TPP2: variants seen among roughly 807,000 people sequenced by gnomAD.
TPP2 encodes the protein tripeptidyl-peptidase 2.
TPP2 carries 34 observed loss-of-function variants against 155.9 expected under a neutral mutation model. That is an observed-to-expected ratio of 0.22 (90% CI 0.17 to 0.29). The LOEUF is 0.29. TPP2 is among the 10% of genes least tolerant of loss of function. The pLI is 1.00. For missense variants in TPP2, 1,028 were observed against 1,522.3 expected (o/e 0.68, Z 5.40); for synonymous variants, 510 against 529.4 (o/e 0.96, Z 0.50).
intron 29 of TPP2, among the ~76,000 whole-genome samples, chr13:102,676,902 T>A (rs191186530): frequency 6.6e-6 from 1 of 152,298 alleles, no homozygotes; most frequent in East Asian, 1.9e-4. Context: ...AGTAAAAAAA[T>A]TTAGCTGATT....
rs181571823 is a variant in TPP2, at chr13:102,614,649, G to A, written c.390+453G>A. ...CCAGTTAGTCATCATTTAGTGTTAA[G>A]GTAAGTGTTAATTCAGTCCTAAAAC... On this transcript the variant is annotated intron_variant, in intron 3 of 29. Transcript: ENST00000376052. Among the ~76,000 whole-genome samples the A allele has an allele frequency of 1.3e-4, 18 of 140,422 alleles. No individual in the cohort carries two copies. The East Asian group carries it at 3.9e-3, about 31-fold the overall frequency. 92.1% of individuals were successfully genotyped at this position (140,422 alleles called of 152,430 possible).
intron 15 of TPP2, among the ~76,000 whole-genome samples, chr13:102,639,012 C>A (rs1882575087): frequency 6.6e-6 from 1 of 152,228 alleles, no homozygotes; most frequent in Admixed American, 6.5e-5. Flanking sequence ...CAGCTGATAA[C>A]TTGGTTTCAA....
intron 10 of TPP2, among the ~76,000 whole-genome samples, chr13:102,633,562 A>T (rs1231587192): frequency 2.0e-5 from 3 of 152,182 alleles, no homozygotes; most frequent in African/African-American, 7.2e-5. Flanking sequence ...TCTATTGTAC[A>T]GTGCTATATT....
In TPP2 at chr13:102,647,350, A is replaced by G; in HGVS notation, c.2628+6A>G. 1.2e-6 allele frequency: 2 copies of G among 1,604,088 alleles called. No individual in the cohort carries two copies. Among genetic ancestry groups the G allele is most frequent in the Non-Finnish European group, 1.7e-6 (2 of 1,176,688 alleles). ...GCGATGCCTATCCACATCAGGTATA[A>G]AATTGATGGTGATTTTTAGAATTAA... is the stretch of plus-strand genomic sequence containing the variant. On this transcript the variant is annotated splice_donor_region_variant and intron_variant, in intron 21 of 29. Transcript: ENST00000376052.
Position 102,657,148 on chromosome 13 carries a change from A to C in TPP2, c.3084A>C (p.Lys1028Asn), listed in dbSNP as rs750156544. The C allele has an allele frequency of 8.7e-6, 14 of 1,600,220 alleles. No individual in the cohort carries two copies. The highest frequency in any genetic ancestry group is 1.2e-5 in the Non-Finnish European group (14 of 1,176,486). ...AGGAAAAAGATTCAGAAAAAGAGAA[A>C]GATTTAAAAGAAGAGTTTACTGAAG... ...KDKEKDSEKE[K>N]DLKEEFTEAL... is the part of the protein sequence containing the mutation. Residue 1028 changes from lysine (K) to asparagine (N), a missense_variant, in exon 25 of 30, where the codon AAA becomes AAC. By Grantham distance (94) the Lys-to-Asn change is moderately conservative. Transcript: ENST00000376052.
At chr13:102,657,635 T>C (rs1883945540) in intron 25 of TPP2, among the ~76,000 whole-genome samples, 2 of 152,124 alleles carry the variant, frequency 1.3e-5, no homozygotes, top group Non-Finnish European at 2.9e-5. Flanking sequence ...CTATTTTTAA[T>C]GTCTGTGTTG....
At chr13:102,657,273 T>G (rs932760203) in intron 25 of TPP2, 66 bp downstream of exon 25, 1 of 1,382,420 alleles carries the variant, frequency 7.2e-7, no homozygotes, top group Non-Finnish European at 9.7e-7. Context: ...ATAACAATAT[T>G]GTGTATATAT....
chr13:102,650,925 C>T (rs1443206612), intron 23 of TPP2, among the ~76,000 whole-genome samples: 3 of 151,952 alleles, frequency 2.0e-5, no homozygotes, highest in East Asian at 1.9e-4. Flanking sequence ...AGTGGTTTAG[C>T]GTTTTCTTGT....
rs201843794 is a variant in TPP2, at chr13:102,672,425, C to G, written c.3372-1858C>G. The stretch of plus-strand genomic sequence containing the variant: ...TTCTTTACATTCCATTGTTATCTGC[C>G]GTTTGCTCTCAGGCTCCGGATAAGA... On this transcript the variant is annotated intron_variant, in intron 27 of 29. Transcript: ENST00000376052. Among the ~76,000 whole-genome samples, 75 of 152,304 alleles carry G rather than the reference C, an allele frequency of 4.9e-4. 1 individual carries two copies. The highest frequency in any genetic ancestry group is 2.1e-3 in the East Asian group (11 of 5,184).
chr13:102,676,894 TA>T (rs1885308288), intron 29 of TPP2, among the ~76,000 whole-genome samples: 1 of 152,204 alleles, frequency 6.6e-6, no homozygotes, highest in Non-Finnish European at 1.5e-5. Flanking sequence ...AGTTGTCAAG[TA>T]AAAAAATTTA....
intron 24 of TPP2, chr13:102,655,033 G>C: frequency 2.0e-6 from 1 of 502,848 alleles, no homozygotes. Flanking sequence ...ACAGGTTCTG[G>C]CCCCCTGACC....
At chr13:102,616,300 C>T in intron 3 of TPP2, 96 bp from the exon 4 acceptor site, 1 of 1,006,398 alleles carries the variant, frequency 9.9e-7, no homozygotes, top group Non-Finnish European at 1.5e-6. Context: ...TGTGTAGTAT[C>T]ACAACTGTAC....
intron 2 of TPP2, among the ~76,000 whole-genome samples, chr13:102,609,526 T>A (rs1024671024): frequency 2.7e-5 from 4 of 150,684 alleles, no homozygotes; most frequent in Admixed American, 6.7e-5. Flanking sequence ...GCCTCCTGAG[T>A]AGCTGGGATT....
intron 1 of TPP2, among the ~76,000 whole-genome samples, chr13:102,599,382 G>A (rs1879253788): frequency 6.6e-6 from 1 of 152,144 alleles, no homozygotes; most frequent in Non-Finnish European, 1.5e-5. Flanking sequence ...GCTTGCAAAC[G>A]TGAGGATTTT....
intron 5 of TPP2, 125 bp downstream of exon 5, chr13:102,618,971 T>A: frequency 8.1e-7 from 1 of 1,241,046 alleles, no homozygotes; most frequent in Non-Finnish European, 1.1e-6. Context: ...CAAAATCATT[T>A]AAGGGCCAAA....
rs1223952124 is a variant in TPP2, at chr13:102,678,244, A to G, written c.3717A>G (p.Gly1239=). 15 of 1,613,290 alleles carry G rather than the reference A, an allele frequency of 9.3e-6. No individual in the cohort carries two copies. In the East Asian group the frequency reaches 3.3e-4, roughly 36 times the overall value. ...KNCIQLMKLL[G]WTHCASFTEN... is the part of the protein sequence containing the mutation. ...TGTTGTAGCTGATGAAGTTACTTGG[A>G]TGGACCCATTGTGCATCTTTTACTG... The change falls in exon 30 of 30, where the codon GGA becomes GGG. Residue 1239 remains glycine (G), a synonymous_variant. Coordinates refer to ENST00000376052, the MANE Select transcript of TPP2 (RefSeq NM_001330588.2).
rs748554241 is a variant in TPP2, at chr13:102,627,832, T to C, written c.940-16T>C. On this transcript the variant is annotated splice_polypyrimidine_tract_variant and intron_variant, in intron 7 of 29. Transcript: ENST00000376052. ...GTAAATTGCTGCCTAAACTAGAGTC[T>C]TAATCTCTTTAATAGATGATAGAAG... 1.9e-6 allele frequency: 3 copies of C among 1,599,320 alleles called. No individual in the cohort carries two copies. The South Asian group carries it at 3.3e-5, about 18-fold the overall frequency.
At chr13:102,650,945 G>A (rs554683902) in intron 23 of TPP2, among the ~76,000 whole-genome samples, 3 of 152,188 alleles carry the variant, frequency 2.0e-5, no homozygotes, top group South Asian at 4.2e-4. Flanking sequence ...TTTTTTGGTA[G>A]TTGGGAAGGT....
chr13:102,652,328 T>C (rs1156301120), intron 24 of TPP2, among the ~76,000 whole-genome samples: 5 of 143,554 alleles, frequency 3.5e-5, no homozygotes, highest in Admixed American at 2.9e-4. Context: ...TGCAGTAAGC[T>C]GAGATCACAC....
Sources: allele counts gnomAD v4.1 joint callset (sites outside exome capture counted in the v4.1 genomes callset), GRCh38; gene constraint gnomAD v4.1.1; transcripts MANE v1.5; gene names NCBI Gene and HGNC (gene_info 2026-07-23, HGNC 2026-07-21).